The following RNF19A variants were observed in gnomAD, a reference collection of about 807,000 sequenced individuals.
The protein encoded by RNF19A is E3 ubiquitin-protein ligase RNF19A.
Under a neutral mutation model 75.7 loss-of-function variants are expected in RNF19A, and 32 were observed. The observed-to-expected ratio is 0.42, with a 90% CI of 0.32 to 0.57. The LOEUF (loss-of-function observed/expected upper bound fraction) is 0.57, where lower values mean the gene tolerates loss of function less well. Among genes scored for constraint, RNF19A ranks in the 20% least tolerant of loss-of-function variants. The pLI, the probability that RNF19A is intolerant of heterozygous loss-of-function variation, is 0.10. For synonymous variants in RNF19A, 335 were observed against 345.2 expected, an observed-to-expected ratio of 0.97 and a Z score of 0.33; for missense variants, 782 against 1,036.3, an observed-to-expected ratio of 0.75 and a Z score of 3.37.
chr8:100,303,806 C>CA (rs907088868), intron 1 of RNF19A, among the ~76,000 whole-genome samples: 9 of 148,326 alleles, frequency 6.1e-5, no homozygotes, highest in African/African-American at 2.2e-4. Context: ...GGTGTGGTGG[C>CA]AGGTGCCTGT....
intron 5 of RNF19A, among the ~76,000 whole-genome samples, chr8:100,267,203 G>C (rs1019785590): frequency 6.6e-6 from 1 of 152,182 alleles, no homozygotes; most frequent in African/African-American, 2.4e-5. Context: ...TCATGCATCT[G>C]AGTTCAAATC....
Position 100,270,049 on chromosome 8 carries a change from A to G in RNF19A, c.884-36T>C. ...CACAGAGAAATCTATTAAGTACATA[A>G]AACTGGTCTAAAAATAACTTCTAGC... On this transcript the variant is annotated intron_variant, in intron 3 of 9. Coordinates refer to ENST00000341084, the MANE Select transcript of RNF19A (RefSeq NM_183419.4). 3.4e-6 allele frequency: 5 copies of G among 1,464,314 alleles called. No homozygotes were observed. In the South Asian group the frequency reaches 7.7e-5, roughly 23 times the overall value. The allele number at this position is 1,464,314 out of a possible 1,614,324, so 90.7% of individuals were successfully genotyped here.
rs1160237725 is a variant in RNF19A, at chr8:100,264,987, C to G, written c.1192-202G>C. Among the ~76,000 whole-genome samples, 2 of 152,096 alleles carry G rather than the reference C, an allele frequency of 1.3e-5. No individual in the cohort carries two copies. The highest frequency in any genetic ancestry group is 4.8e-5 in the African/African-American group (2 of 41,412). ...TTGCTCCTTATTAATTTGCTTAAGACAGTGATTTAATGGATTTTACTTTGT... is the reference window on the plus strand; with the variant it reads ...TTGCTCCTTATTAATTTGCTTAAGAGAGTGATTTAATGGATTTTACTTTGT... On this transcript the variant is annotated intron_variant, in intron 5 of 9. Transcript: ENST00000341084. The surrounding 1 kb of genome is among the most constrained non-coding windows in gnomAD (Gnocchi z 4.7).
chr8:100,331,142 A>G lies in RNF19A; in HGVS notation c.-243+4966T>C, dbSNP rs568416582. Among the ~76,000 whole-genome samples the G allele has an allele frequency of 2.6e-5, 4 of 152,218 alleles. No individual in the cohort carries two copies. Among genetic ancestry groups the G allele is most frequent in the Admixed American group, 1.3e-4 (2 of 15,286 alleles). On this transcript the variant is annotated intron_variant, in intron 1 of 3. Coordinates refer to the RNF19A transcript ENST00000519527. This position sits in a 1 kb window ranked among gnomAD's most constrained non-coding sequence, Gnocchi z 5.2. ...TATGGGTCAGGTGCTGGGCAATTCAATAAGAAAGACAACATTCACAGCCTG... is the reference window on the plus strand; with the variant it reads ...TATGGGTCAGGTGCTGGGCAATTCAGTAAGAAAGACAACATTCACAGCCTG...
rs1822632835 is a variant in RNF19A at position 100,333,250 on chromosome 8, T to C, written c.-243+2858A>G. Among the ~76,000 whole-genome samples the C allele has an allele frequency of 6.6e-6, 1 of 152,198 alleles. No individual in the cohort carries two copies. Among genetic ancestry groups the C allele is most frequent in the African/African-American group, 2.4e-5 (1 of 41,442 alleles). ...GATGGCCCTCATCAGATGTGCCCAC[T>C]CAACCTTGGACTTCCCAGATCCAGA... On this transcript the variant is annotated intron_variant, in intron 1 of 3. Coordinates refer to the RNF19A transcript ENST00000519527. This position sits in a 1 kb window ranked among gnomAD's most constrained non-coding sequence, Gnocchi z 4.7.
rs933072194 is a variant in RNF19A at position 100,264,701 on chromosome 8, C to A, written c.1276G>T (p.Val426Leu). 6.2e-7 allele frequency: 1 copy of A among 1,613,104 alleles called. No individual in the cohort carries two copies. Among genetic ancestry groups the A allele is most frequent in the African/African-American group, 1.3e-5 (1 of 74,880 alleles). ...IAGGVTLSVI[V>L]SPVVAAVTVG... Reference sequence around the variant, plus strand: ...GTCACTGCAGCTACTACTGGAGACACGATTACAGACAACGTTACACCACCT... The same window carrying A: ...GTCACTGCAGCTACTACTGGAGACAAGATTACAGACAACGTTACACCACCT... The change falls in exon 6 of 10, where the codon GTG (valine) becomes TTG (leucine). Residue 426 changes from valine (V) to leucine (L), a missense_variant. Coordinates refer to ENST00000341084, the MANE Select transcript of RNF19A (RefSeq NM_183419.4). The surrounding 1 kb of genome is among the most constrained non-coding windows in gnomAD (Gnocchi z 4.7).
chr8:100,334,153 C>T (rs1822645334), intron 1 of RNF19A, among the ~76,000 whole-genome samples: 1 of 152,220 alleles, frequency 6.6e-6, no homozygotes, highest in Admixed American at 6.5e-5. Context: ...CCTTCTCCAT[C>T]TTGACTTTCA....
intron 2 of RNF19A, among the ~76,000 whole-genome samples, chr8:100,285,684 G>A (rs939080365): frequency 3.3e-5 from 5 of 151,776 alleles, no homozygotes; most frequent in Admixed American, 1.3e-4. Flanking sequence ...CCAGGCTGGA[G>A]TATAGTGGCG....
chr8:100,278,854 G>A (rs541636714), intron 2 of RNF19A, among the ~76,000 whole-genome samples: 9 of 152,114 alleles, frequency 5.9e-5, no homozygotes, highest in South Asian at 4.1e-4. Context: ...CAACCTCGCC[G>A]TTTAAAAATT....
intron 1 of RNF19A, among the ~76,000 whole-genome samples, chr8:100,300,931 G>A (rs1821794886): frequency 6.6e-6 from 1 of 152,166 alleles, no homozygotes; most frequent in Non-Finnish European, 1.5e-5. Context: ...AGGTCCCTGT[G>A]CTCATGTACT....
At chr8:100,290,154 G>A (rs955153137) in intron 1 of RNF19A, among the ~76,000 whole-genome samples, 5 of 152,180 alleles carry the variant, frequency 3.3e-5, no homozygotes, top group African/African-American at 7.2e-5. Context: ...TGTGTCTGTT[G>A]CCCAGGCTGG....
chr8:100,336,043 G>A (rs1396014575), intron 1 of RNF19A: 1 of 152,218 alleles, frequency 6.6e-6, no homozygotes, highest in Non-Finnish European at 1.5e-5. Flanking sequence ...GAGCTAAAGG[G>A]ATATACAGTA....
At chr8:100,308,669 AT>A (rs1377160465) in intron 1 of RNF19A, among the ~76,000 whole-genome samples, 2 of 148,610 alleles carry the variant, frequency 1.3e-5, no homozygotes, top group Non-Finnish European at 3.0e-5. Flanking sequence ...TTTTAAAAAA[AT>A]GAAAAGAACC....
At chr8:100,281,970 AT>A (rs1172363203) in intron 2 of RNF19A, among the ~76,000 whole-genome samples, 44 of 152,132 alleles carry the variant, frequency 2.9e-4, no homozygotes, top group Admixed American at 2.9e-3. Flanking sequence ...CTTTTTTAGG[AT>A]TTGCAACCTG....
intron 1 of RNF19A, 52 bp downstream of exon 1, chr8:100,309,815 G>A (rs1274155888): frequency 3.0e-6 from 3 of 985,458 alleles, no homozygotes; most frequent in Non-Finnish European, 3.6e-6. Context: ...AGCGAGAGCC[G>A]CCCCTTCTCT....
chr8:100,334,266 T>C (rs1214265561), intron 1 of RNF19A, among the ~76,000 whole-genome samples: 1 of 152,230 alleles, frequency 6.6e-6, no homozygotes, highest in Non-Finnish European at 1.5e-5. Flanking sequence ...TTTTGACTTT[T>C]CAACTATTTT....
At chr8:100,263,019 T>C (rs1819797129) in intron 7 of RNF19A, among the ~76,000 whole-genome samples, 2 of 152,186 alleles carry the variant, frequency 1.3e-5, no homozygotes, top group African/African-American at 2.4e-5. Context: ...AATTTGGCTG[T>C]AGACAAGTTA....
Position 100,264,240 on chromosome 8 carries a change from T to C in RNF19A, c.1307-45A>G. 6.7e-7 allele frequency: 1 copy of C among 1,483,158 alleles called. No homozygotes were observed. Among genetic ancestry groups the C allele is most frequent in the South Asian group, 1.2e-5 (1 of 83,876 alleles). The allele number at this position is 1,483,158 out of a possible 1,614,324, so 91.9% of individuals were successfully genotyped here. A position where few individuals can be genotyped will look rare whatever the true frequency, so the allele number is the denominator to read the frequency against. ...GTCATTACAAACAACAACAACAAAATAACTCACAGAAACATGAGTTTTAGA... is the reference window on the plus strand; with the variant it reads ...GTCATTACAAACAACAACAACAAAACAACTCACAGAAACATGAGTTTTAGA... On this transcript the variant is annotated intron_variant, in intron 6 of 9. Transcript: ENST00000341084. This position sits in a 1 kb window ranked among gnomAD's most constrained non-coding sequence, Gnocchi z 4.7.
At position 100,284,849 on chromosome 8, in the gene RNF19A, G is replaced by A. The variant is rs751267241; in HGVS notation, c.674+2652C>T. On this transcript the variant is annotated intron_variant, in intron 2 of 9. Transcript: ENST00000341084. The surrounding 1 kb of genome is among the most constrained non-coding windows in gnomAD (Gnocchi z 4.3). ...CTGAAGTTAAGAAACATTATCAGCA[G>A]GATGATCATTAACTCACAATCTAAA... 1.3e-5 allele frequency among the ~76,000 whole-genome samples: 2 copies of A among 152,046 alleles called. No individual in the cohort carries two copies. Among genetic ancestry groups the A allele is most frequent in the Non-Finnish European group, 2.9e-5 (2 of 67,958 alleles).
Sources: allele counts gnomAD v4.1 joint callset (sites outside exome capture counted in the v4.1 genomes callset), GRCh38; gene constraint gnomAD v4.1.1; non-coding constraint Gnocchi (gnomAD v3.1); transcripts MANE v1.5; gene names NCBI Gene and HGNC (gene_info 2026-07-23, HGNC 2026-07-21).